The following CLIC6 variants were observed in gnomAD, a reference collection of about 807,000 sequenced individuals.
The protein encoded by CLIC6 is chloride intracellular channel protein 6.
Under a neutral mutation model 49.2 loss-of-function variants are expected in CLIC6, and 39 were observed. The observed-to-expected ratio is 0.79, with a 90% CI of 0.61 to 1.04. CLIC6 has a LOEUF of 1.04. Ranked by LOEUF, CLIC6 falls within the 50% of genes least tolerant of loss-of-function variation. CLIC6 has a pLI of 0.00. For missense variants in CLIC6, 988 were observed against 993.1 expected (o/e 0.99, Z 0.07); for synonymous variants, 446 against 433.4 (o/e 1.03, Z -0.36).
In CLIC6 at chr21:34,709,445, C is replaced by T. The variant is rs575486849; in HGVS notation, c.1806C>T (p.Thr602=). The T allele has an allele frequency of 5.6e-6, 9 of 1,613,952 alleles. No individual in the cohort carries two copies. The East Asian group carries it at 8.9e-5, about 16-fold the overall frequency. ...CTGATGAAATAGATGCCTACAGCAC[C>T]GAGGATGTCACTGTTTCTGGAAGGA... The part of the protein sequence containing the change: ...PLPDEIDAYS[T]EDVTVSGRKF... Residue 602 remains threonine, a synonymous_variant, in exon 5 of 6, where the codon ACC becomes ACT. Transcript: ENST00000349499.
chr21:34,689,435 G>A (rs1989946942), intron 1 of CLIC6, among the ~76,000 whole-genome samples: 1 of 152,178 alleles, frequency 6.6e-6, no homozygotes, highest in Non-Finnish European at 1.5e-5. Context: ...ACCAGAGATG[G>A]CTTCCACGGT....
chr21:34,678,084 A>G (rs1181569900), intron 1 of CLIC6, among the ~76,000 whole-genome samples: 1 of 152,124 alleles, frequency 6.6e-6, no homozygotes, highest in Non-Finnish European at 1.5e-5. Context: ...GAGTAGATGC[A>G]ACAGAGACTC....
chr21:34,682,286 G>GCCAT (rs1989792430), intron 1 of CLIC6, among the ~76,000 whole-genome samples: 1 of 152,256 alleles, frequency 6.6e-6, no homozygotes, highest in African/African-American at 2.4e-5. Flanking sequence ...CTATATCAGT[G>GCCAT]CCATGCTTAT....
intron 1 of CLIC6, among the ~76,000 whole-genome samples, chr21:34,677,087 T>G (rs1989687041): frequency 6.6e-6 from 1 of 152,208 alleles, no homozygotes; most frequent in South Asian, 2.1e-4. Flanking sequence ...CAAGTCCATC[T>G]TCGGCTAAAA....
chr21:34,699,032 G>T (rs1354004386), intron 1 of CLIC6, among the ~76,000 whole-genome samples: 1 of 152,176 alleles, frequency 6.6e-6, no homozygotes, highest in East Asian at 1.9e-4. Context: ...AGGAGAGCGA[G>T]AGAGAGAGCG....
At chr21:34,678,001 T>A (rs1989704766) in intron 1 of CLIC6, among the ~76,000 whole-genome samples, 1 of 152,138 alleles carries the variant, frequency 6.6e-6, no homozygotes, top group African/African-American at 2.4e-5. Context: ...TAAACAAACT[T>A]TTTTTTGGAA....
At chr21:34,673,297 T>G (rs887841151) in intron 1 of CLIC6, among the ~76,000 whole-genome samples, 1 of 152,154 alleles carries the variant, frequency 6.6e-6, no homozygotes, top group Admixed American at 6.5e-5. Context: ...TTTTTTATTT[T>G]TTTTTTAATT....
chr21:34,673,838 G>A (rs539659510), intron 1 of CLIC6, among the ~76,000 whole-genome samples: 13 of 152,260 alleles, frequency 8.5e-5, no homozygotes, highest in African/African-American at 3.1e-4. Flanking sequence ...GGATTTCTTT[G>A]CCAGAATTAG....
At chr21:34,702,973 T>G (rs1268734373) in intron 1 of CLIC6, among the ~76,000 whole-genome samples, 1 of 152,104 alleles carries the variant, frequency 6.6e-6, no homozygotes, top group Non-Finnish European at 1.5e-5. Flanking sequence ...CTGTTTTTAT[T>G]CAGCCTGAAG....
chr21:34,709,050 G>C (rs2145819177), intron 4 of CLIC6, among the ~76,000 whole-genome samples: 1 of 152,308 alleles, frequency 6.6e-6, no homozygotes, highest in South Asian at 2.1e-4. Flanking sequence ...AGGTGTTCCG[G>C]ACACACCATG....
intron 1 of CLIC6, among the ~76,000 whole-genome samples, 163 bp downstream of exon 1, chr21:34,670,925 G>A (rs970313694): frequency 2.0e-5 from 3 of 151,986 alleles, no homozygotes; most frequent in African/African-American, 7.3e-5. Context: ...GGGATTTCCC[G>A]GAGAAGAGTT....
At chr21:34,672,571 A>ATTGCCCTCAGCCTGCTATGTCTCT (rs1989586072) in intron 1 of CLIC6, among the ~76,000 whole-genome samples, 1 of 152,180 alleles carries the variant, frequency 6.6e-6, no homozygotes, top group Non-Finnish European at 1.5e-5. Flanking sequence ...CTGTTAAGGC[A>ATTGCCCTCAGCCTGCTATGTCTCT]TTGCCCTCAG....
chr21:34,710,165 C>A (rs1410365834), intron 5 of CLIC6, among the ~76,000 whole-genome samples: 1 of 151,940 alleles, frequency 6.6e-6, no homozygotes, highest in Non-Finnish European at 1.5e-5. Context: ...GTAGTCCCAG[C>A]CACATGGGAG....
At chr21:34,698,567 G>A (rs1990131922) in intron 1 of CLIC6, among the ~76,000 whole-genome samples, 1 of 152,118 alleles carries the variant, frequency 6.6e-6, no homozygotes, top group Admixed American at 6.5e-5. Context: ...ATGGAAGGAA[G>A]GAGAGCAGAT....
chr21:34,707,539 G>A, intron 2 of CLIC6, 150 bp downstream of exon 2: 1 of 648,232 alleles, frequency 1.5e-6, no homozygotes, highest in Non-Finnish European at 2.7e-6. Context: ...CCACATGTGG[G>A]CCAAGCAGTC....
At chr21:34,682,801 A>ATTTTTTTTTTTTT (rs1172251761) in intron 1 of CLIC6, among the ~76,000 whole-genome samples, 2 of 69,272 alleles carry the variant, frequency 2.9e-5, no homozygotes, top group African/African-American at 1.3e-4. Flanking sequence ...CTTTCCCTCC[A>ATTTTTTTTTTTTT]TTTTTTTTTT....
intron 5 of CLIC6, 71 bp from the exon 6 acceptor site, chr21:34,716,250 A>G: frequency 7.8e-7 from 1 of 1,289,042 alleles, no homozygotes; most frequent in Non-Finnish European, 1.1e-6. Flanking sequence ...CCTCAGAAGA[A>G]TGGACTGTCT....
chr21:34,712,098 C>A (rs1420719877), intron 5 of CLIC6, among the ~76,000 whole-genome samples: 1 of 152,096 alleles, frequency 6.6e-6, no homozygotes, highest in African/African-American at 2.4e-5. Context: ...AAAGGGTAAG[C>A]TTTAGAGTGA....
intron 1 of CLIC6, among the ~76,000 whole-genome samples, chr21:34,695,711 A>T (rs1049080525): frequency 2.6e-5 from 4 of 152,240 alleles, no homozygotes; most frequent in African/African-American, 9.6e-5. Flanking sequence ...CTACATGAGG[A>T]AGTGGCCTTA....
Sources: allele counts gnomAD v4.1 joint callset (sites outside exome capture counted in the v4.1 genomes callset), GRCh38; gene constraint gnomAD v4.1.1; transcripts MANE v1.5; gene names NCBI Gene and HGNC (gene_info 2026-07-23, HGNC 2026-07-21).